PDE1C: variants seen among roughly 807,000 people sequenced by gnomAD.
The protein encoded by PDE1C is phosphodiesterase 1C, also known as dual specificity calcium/calmodulin-dependent 3',5'-cyclic nucleotide phosphodiesterase 1C.
Under a neutral mutation model 93.1 loss-of-function variants are expected in PDE1C, and 62 were observed. The observed-to-expected ratio is 0.67, with a 90% CI of 0.54 to 0.82. The LOEUF is 0.82. PDE1C is among the 40% of genes least tolerant of loss of function. The probability of loss-of-function intolerance (pLI) is 0.00; values close to 1 mark genes in which losing one functional copy is unlikely to be tolerated. For missense variants in PDE1C, 742 were observed against 884.6 expected (o/e 0.84, Z 2.04); for synonymous variants, 325 against 310.1 (o/e 1.05, Z -0.50).
intron 3 of PDE1C, among the ~76,000 whole-genome samples, chr7:32,107,784 T>C (rs568932970): frequency 2.3e-4 from 35 of 152,248 alleles, no homozygotes; most frequent in Non-Finnish European, 4.3e-4. Context: ...AATAAAAGTT[T>C]GTTAAAAGTA....
intron 3 of PDE1C, among the ~76,000 whole-genome samples, chr7:32,142,249 T>C (rs750970690): frequency 6.6e-6 from 1 of 151,504 alleles, no homozygotes; most frequent in Non-Finnish European, 1.5e-5. Context: ...AGAAGGGGGA[T>C]AGAGGAAGGT....
At chr7:32,057,882 C>T (rs910879235) in intron 1 of PDE1C, among the ~76,000 whole-genome samples, 1 of 152,132 alleles carries the variant, frequency 6.6e-6, no homozygotes, top group African/African-American at 2.4e-5. Context: ...TTCTAATAGC[C>T]TGGATAAGTG....
At chr7:32,267,180 G>T (rs370486446) in intron 1 of PDE1C, among the ~76,000 whole-genome samples, 9 of 152,352 alleles carry the variant, frequency 5.9e-5, no homozygotes, top group Admixed American at 3.3e-4. Flanking sequence ...CCGACCCTGA[G>T]CAAGGCTGAG....
intron 1 of PDE1C, among the ~76,000 whole-genome samples, chr7:32,371,032 A>G (rs1474908643): frequency 6.6e-6 from 1 of 151,252 alleles, no homozygotes. Context: ...TCAAATCTAC[A>G]CCTTCTTGAA....
intron 1 of PDE1C, among the ~76,000 whole-genome samples, chr7:32,282,151 G>A (rs1258631407): frequency 7.8e-6 from 1 of 127,608 alleles, no homozygotes; most frequent in Non-Finnish European, 1.7e-5. Context: ...AGAACTTAAA[G>A]TATAATAAAA....
intron 1 of PDE1C, among the ~76,000 whole-genome samples, chr7:32,053,845 G>A (rs187295589): frequency 1.7e-4 from 26 of 152,172 alleles, no homozygotes; most frequent in African/African-American, 2.6e-4. Context: ...CTGAAAGAGC[G>A]CAAATTCTAA....
chr7:31,631,729 A>C, the PDE1C span, among the ~76,000 whole-genome samples: 1 of 152,296 alleles, frequency 6.6e-6, no homozygotes, highest in African/African-American at 2.4e-5. Flanking sequence ...AGACCTTGAA[A>C]CCAAAACCTC....
At chr7:31,879,521 A>T (rs540511794) in intron 3 of PDE1C, among the ~76,000 whole-genome samples, 2 of 152,294 alleles carry the variant, frequency 1.3e-5, no homozygotes, top group South Asian at 4.1e-4. Flanking sequence ...TATTTCATAG[A>T]TGGACCATGT....
chr7:32,298,678 T>C (rs977901892), exon 1 of PDE1C: 1 of 1,607,940 alleles, frequency 6.2e-7, no homozygotes, highest in South Asian at 1.1e-5. Flanking sequence ...CCATCGATGC[T>C]GAAAGTGGCG....
intron 2 of PDE1C, among the ~76,000 whole-genome samples, chr7:32,045,208 C>G (rs868489625): frequency 3.9e-5 from 6 of 152,032 alleles, no homozygotes; most frequent in Admixed American, 1.3e-4. Flanking sequence ...CTTCCCCCAC[C>G]CCCAGCCATG....
chr7:31,992,401 A>C (rs763085789), intron 2 of PDE1C, among the ~76,000 whole-genome samples: 5 of 152,240 alleles, frequency 3.3e-5, no homozygotes, highest in Admixed American at 6.5e-5. Context: ...AGGTGGGTTC[A>C]AAGAGGAAAA....
chr7:31,840,587 G>T (rs529127611), intron 9 of PDE1C, among the ~76,000 whole-genome samples: 1 of 152,058 alleles, frequency 6.6e-6, no homozygotes, highest in African/African-American at 2.4e-5. Context: ...TAGCTTTTAC[G>T]TTTAGGTTTA....
At chr7:32,313,798 A>C (rs540470381) in intron 1 of PDE1C, among the ~76,000 whole-genome samples, 33 of 151,588 alleles carry the variant, frequency 2.2e-4, no homozygotes, top group African/African-American at 7.8e-4. Context: ...AGATATACCT[A>C]ATGCTAAATG....
At chr7:32,427,024 T>G (rs2128101090) in intron 1 of PDE1C, among the ~76,000 whole-genome samples, 1 of 152,262 alleles carries the variant, frequency 6.6e-6, no homozygotes, top group Non-Finnish European at 1.5e-5. Flanking sequence ...ACTAAGGCAT[T>G]TTCCTCCCAC....
At chr7:31,984,260 C>A (rs144542607) in intron 2 of PDE1C, among the ~76,000 whole-genome samples, 1 of 152,112 alleles carries the variant, frequency 6.6e-6, no homozygotes, top group East Asian at 1.9e-4. Flanking sequence ...CATAGTAGCA[C>A]GAACCCTACT....
At chr7:31,991,110 T>C (rs1784093011) in intron 2 of PDE1C, among the ~76,000 whole-genome samples, 1 of 152,230 alleles carries the variant, frequency 6.6e-6, no homozygotes, top group African/African-American at 2.4e-5. Context: ...CAAAGGTTAT[T>C]ACATATATGT....
In PDE1C at chr7:32,148,805, T is replaced by C. The variant is rs143898415; in HGVS notation, c.308+20980A>G. On this transcript the variant is annotated intron_variant, in intron 3 of 18. Transcript: ENST00000396193. ...GGGTTGAATAAATAAATCAATGAAT[T>C]GTTCATCTTAGTGTTACCCACAGCA... Among the ~76,000 whole-genome samples, 307 of 152,294 alleles carry C rather than the reference T, an allele frequency of 2.0e-3. 1 individual carries two copies. The highest frequency in any genetic ancestry group is 6.6e-3 in the African/African-American group (276 of 41,568).
the PDE1C span, chr7:31,651,951 G>C: frequency 6.3e-7 from 1 of 1,596,656 alleles, no homozygotes; most frequent in Non-Finnish European, 8.5e-7. Flanking sequence ...AGGAGGCCGA[G>C]CAACTGCAAA....
intron 1 of PDE1C, among the ~76,000 whole-genome samples, chr7:32,248,932 T>C (rs1172726306): frequency 1.3e-5 from 2 of 152,132 alleles, no homozygotes; most frequent in African/African-American, 4.8e-5. Flanking sequence ...GAGTTGTTTA[T>C]GGCAAGGAAG....
Sources: allele counts gnomAD v4.1 joint callset (sites outside exome capture counted in the v4.1 genomes callset), GRCh38; gene constraint gnomAD v4.1.1; transcripts MANE v1.5; gene names NCBI Gene and HGNC (gene_info 2026-07-23, HGNC 2026-07-21).